OTULIN: variants seen among roughly 807,000 people sequenced by gnomAD.
The protein encoded by OTULIN is OTU deubiquitinase with linear linkage specificity.
In OTULIN, 15 loss-of-function variants were observed where a neutral mutation model predicts 39.6. The observed-to-expected ratio is 0.38, with a 90% CI of 0.25 to 0.58. OTULIN has a LOEUF of 0.58. Among genes scored for constraint, OTULIN ranks in the 20% least tolerant of loss-of-function variants. The pLI is 0.66. For missense variants in OTULIN, 319 were observed against 445.9 expected (o/e 0.72, Z 2.56); for synonymous variants, 156 against 170.3 (o/e 0.92, Z 0.65).
Position 14,693,122 on chromosome 5 carries a change from T to TG in OTULIN, c.*79dup. On this transcript the variant is annotated 3_prime_UTR_variant, in exon 7 of 7. Coordinates refer to ENST00000284274, the MANE Select transcript of OTULIN (RefSeq NM_138348.6). ...GGCTCCTGGGCTTGGGCTGCAGGTTTGGGGGTCTCTAAGAACAATCTCTGA... is the reference window on the plus strand; with the variant it reads ...GGCTCCTGGGCTTGGGCTGCAGGTTTGGGGGGTCTCTAAGAACAATCTCTGA... 7.1e-7 allele frequency: 1 copy of TG among 1,415,682 alleles called. No homozygotes were observed. Among genetic ancestry groups the TG allele is most frequent in the East Asian group, 2.5e-5 (1 of 39,644 alleles). The allele number at this position is 1,415,682 out of a possible 1,614,324, so 87.7% of individuals were successfully genotyped here. A position where few individuals can be genotyped will look rare whatever the true frequency, so the allele number is the denominator to read the frequency against.
chr5:14,712,861 G>A, the OTULIN span: 177 of 1,594,330 alleles, frequency 1.1e-4, no homozygotes, highest in Non-Finnish European at 1.1e-4. Flanking sequence ...GGCTCCCGGC[G>A]CGGCTGTCTC....
rs1229299587 is a variant in OTULIN at position 14,673,712 on chromosome 5, G to A, written c.223G>A (p.Ala75Thr). The change falls in exon 2 of 7, where the codon GCA becomes ACA. Residue 75 changes from alanine to threonine, a missense_variant. Ala to Thr is a moderately conservative substitution (Grantham distance 58). Coordinates refer to ENST00000284274, the MANE Select transcript of OTULIN (RefSeq NM_138348.6). ...AGAATTGCTTATACATGAAAGAGGG[G>A]CATCAGGTATGTTTGGAATTGTTTT... ...EKELLIHERGASEPRLSVAPE... is the reference protein window; with the variant it reads ...EKELLIHERGTSEPRLSVAPE... The A allele has an allele frequency of 5.6e-6, 9 of 1,612,740 alleles. No homozygotes were observed. The highest frequency in any genetic ancestry group is 7.6e-6 in the Non-Finnish European group (9 of 1,179,072).
intron 2 of OTULIN, among the ~76,000 whole-genome samples, chr5:14,675,379 C>T (rs979187426): frequency 6.6e-6 from 1 of 152,172 alleles, no homozygotes; most frequent in Non-Finnish European, 1.5e-5. Flanking sequence ...TCTTGAGCCC[C>T]CCTCAAGCAA....
At chr5:14,703,945 G>A (rs1005910694), downstream of OTULIN, among the ~76,000 whole-genome samples, 11 of 152,278 alleles carry the variant, frequency 7.2e-5, no homozygotes, top group African/African-American at 2.6e-4. Flanking sequence ...CTGACTACAG[G>A]TATGTAATGA....
intron 4 of OTULIN, among the ~76,000 whole-genome samples, chr5:14,685,050 C>T (rs144372181): frequency 5.4e-4 from 83 of 152,340 alleles, no homozygotes; most frequent in African/African-American, 1.9e-3. Flanking sequence ...GATGGCCTAG[C>T]CTGGCTCTCA....
the OTULIN span, among the ~76,000 whole-genome samples, chr5:14,713,277 A>T: frequency 6.6e-6 from 1 of 152,132 alleles, no homozygotes; most frequent in Admixed American, 6.5e-5. The surrounding 1 kb of genome is among the most constrained non-coding windows in gnomAD (Gnocchi z 4.4). Context: ...CATGTCCAGC[A>T]TACGTTCAAG....
intron 5 of OTULIN, among the ~76,000 whole-genome samples, chr5:14,689,650 G>A (rs2126332664): frequency 6.6e-6 from 1 of 152,262 alleles, no homozygotes; most frequent in South Asian, 2.1e-4. Flanking sequence ...GTTTCTGGGT[G>A]CTAACCCTCC....
the OTULIN span, chr5:14,711,156 C>T: frequency 4.7e-6 from 7 of 1,504,964 alleles, no homozygotes; most frequent in Admixed American, 3.3e-5. Context: ...GAAGTGTCAT[C>T]CTGACTGACT....
chr5:14,680,533 A>C (rs1210507053), intron 3 of OTULIN, among the ~76,000 whole-genome samples: 2 of 152,220 alleles, frequency 1.3e-5, no homozygotes, highest in African/African-American at 4.8e-5. Context: ...ACCCAGGGTC[A>C]GGGAGATGGT....
chr5:14,689,949 T>C, intron 5 of OTULIN, 90 bp from the exon 6 acceptor site: 1 of 1,400,104 alleles, frequency 7.1e-7, no homozygotes. Flanking sequence ...ATGGTCACTT[T>C]TAAAAAATAA....
chr5:14,691,305 A>T (rs1194707408), intron 6 of OTULIN, among the ~76,000 whole-genome samples: 1 of 152,208 alleles, frequency 6.6e-6, no homozygotes, highest in Non-Finnish European at 1.5e-5. Flanking sequence ...TACTGCAAGG[A>T]TTAGAGAGCT....
Position 14,664,890 on chromosome 5 carries a change from C to T in OTULIN, c.65C>T (p.Ala22Val), listed in dbSNP as rs1285122539. ...WPGASCAETP[A>V]REAAATARDG... ...GGCGCGAGCTGCGCCGAGACGCCGG[C>T]GCGGGAGGCGGCGGCCACGGCGCGG... is the stretch of plus-strand genomic sequence containing the variant. The change falls in exon 1 of 7, where the codon GCG (alanine) becomes GTG (valine). Residue 22 changes from alanine (A) to valine (V), a missense_variant. Transcript: ENST00000284274. 1 of 1,170,046 alleles carries T rather than the reference C, an allele frequency of 8.5e-7. No individual in the cohort carries two copies. The highest frequency in any genetic ancestry group is 1.0e-6 in the Non-Finnish European group (1 of 956,870). 72.5% of individuals were successfully genotyped at this position (1,170,046 alleles called of 1,614,324 possible).
In OTULIN at chr5:14,664,896, AGGC is replaced by A. The variant is rs1034227037; in HGVS notation, c.78_80del (p.Ala27del). 1.7e-6 allele frequency: 2 copies of A among 1,169,126 alleles called. No homozygotes were observed. Among genetic ancestry groups the A allele is most frequent in the Admixed American group, 9.3e-5 (2 of 21,580 alleles). The allele number at this position is 1,169,126 out of a possible 1,614,324, so 72.4% of individuals were successfully genotyped here. On this transcript the variant is annotated inframe_deletion, in exon 1 of 7. Transcript: ENST00000284274. ...AGCTGCGCCGAGACGCCGGCGCGGGAGGCGGCGGCCACGGCGCGGGACGGCGGG... is the reference window on the plus strand; with the variant it reads ...AGCTGCGCCGAGACGCCGGCGCGGGAGGCGGCCACGGCGCGGGACGGCGGG...
At chr5:14,668,075 C>T (rs905042165) in intron 1 of OTULIN, among the ~76,000 whole-genome samples, 1 of 152,182 alleles carries the variant, frequency 6.6e-6, no homozygotes, top group African/African-American at 2.4e-5. Flanking sequence ...CGGTGAACCC[C>T]TCTGAAATTG....
intron 4 of OTULIN, among the ~76,000 whole-genome samples, chr5:14,683,811 G>A (rs1393159986): frequency 6.6e-6 from 1 of 152,180 alleles, no homozygotes; most frequent in Non-Finnish European, 1.5e-5. Flanking sequence ...GGTAAATAGT[G>A]TCCTAATTAA....
At position 14,694,847 on chromosome 5, in the gene OTULIN, G is replaced by A. The variant is rs576712197; in HGVS notation, c.*1799G>A. Reference sequence around the variant, plus strand: ...ATTAAAGTAATAATGACTTCTTATTGGCTTTGATTTTTCATTGCAGTATAT... The same window carrying A: ...ATTAAAGTAATAATGACTTCTTATTAGCTTTGATTTTTCATTGCAGTATAT... On this transcript the variant is annotated 3_prime_UTR_variant, in exon 7 of 7. Coordinates refer to ENST00000284274, the MANE Select transcript of OTULIN (RefSeq NM_138348.6). 1.2e-4 allele frequency: 18 copies of A among 152,700 alleles called. 1 individual carries two copies. The South Asian group carries it at 3.5e-3, about 30-fold the overall frequency. 9.5% of individuals were successfully genotyped at this position (152,700 alleles called of 1,614,324 possible).
chr5:14,691,817 A>G (rs1175090856), intron 6 of OTULIN, among the ~76,000 whole-genome samples: 1 of 152,224 alleles, frequency 6.6e-6, no homozygotes, highest in Non-Finnish European at 1.5e-5. Flanking sequence ...TGTGCTGGAC[A>G]TTTCATATGA....
intron 2 of OTULIN, among the ~76,000 whole-genome samples, chr5:14,675,532 A>G (rs1736083889): frequency 6.6e-6 from 1 of 152,150 alleles, no homozygotes; most frequent in Non-Finnish European, 1.5e-5. Flanking sequence ...TGTAGGGTGC[A>G]GTGTCCTCAT....
chr5:14,684,720 T>C (rs1442655870), intron 4 of OTULIN, among the ~76,000 whole-genome samples: 1 of 152,218 alleles, frequency 6.6e-6, no homozygotes, highest in East Asian at 1.9e-4. Context: ...GTTGCTGTCT[T>C]CTCTGTCTTT....
Sources: gnomAD v4.1 joint callset for allele counts (sites outside exome capture counted in the v4.1 genomes callset) on GRCh38, gnomAD v4.1.1 for gene constraint, Gnocchi (gnomAD v3.1) non-coding constraint, MANE v1.5 for transcripts, NCBI Gene and HGNC (gene_info 2026-07-23, HGNC 2026-07-21) for gene names.